The following ZMYND11 variants were observed in gnomAD, a reference collection of about 807,000 sequenced individuals.
The protein encoded by ZMYND11 is zinc finger MYND-type containing 11.
A neutral mutation model predicts 84.9 loss-of-function variants in ZMYND11; 9 were observed. That is an observed-to-expected ratio of 0.11 (90% CI 0.06 to 0.18). The LOEUF is 0.18. Ranked by LOEUF, ZMYND11 falls within the 10% of genes least tolerant of loss-of-function variation. The probability of loss-of-function intolerance (pLI) is 1.00; values close to 1 mark genes in which losing one functional copy is unlikely to be tolerated. For synonymous variants in ZMYND11, 250 were observed against 244.1 expected (o/e 1.02, Z -0.23); for missense variants, 409 against 761.0 (o/e 0.54, Z 5.44).
intron 11 of ZMYND11, 80 bp downstream of exon 11, chr10:247,053 A>C: frequency 7.3e-7 from 1 of 1,370,038 alleles, no homozygotes; most frequent in Non-Finnish European, 1.0e-6. Context: ...CCTCACTGTA[A>C]TGAACAGATT....
chr10:148,631 T>C (rs1032740402), intron 1 of ZMYND11: 2 of 152,272 alleles, frequency 1.3e-5, no homozygotes, highest in Non-Finnish European at 2.9e-5. Flanking sequence ...TTTAACATAG[T>C]GTTCATAATT....
intron 2 of ZMYND11, among the ~76,000 whole-genome samples, chr10:208,420 TA>T (rs1306667197): frequency 6.6e-6 from 1 of 152,084 alleles, no homozygotes; most frequent in African/African-American, 2.4e-5. Context: ...ATCCAGAATC[TA>T]CAGTGAACTC....
chr10:164,448 C>A (rs1335846015), intron 1 of ZMYND11, among the ~76,000 whole-genome samples: 1 of 152,164 alleles, frequency 6.6e-6, no homozygotes, highest in African/African-American at 2.4e-5. Context: ...ATGTCCGTCA[C>A]AGATGAGCTG....
At chr10:247,927 TATTC>T (rs59408071) in intron 12 of ZMYND11, among the ~76,000 whole-genome samples, 1 of 152,362 alleles carries the variant, frequency 6.6e-6, no homozygotes, top group African/African-American at 2.4e-5. Context: ...TTCAAACACA[TATTC>T]AGTGAGAAGT....
At chr10:136,295 C>A (rs1836034467) in intron 1 of ZMYND11, among the ~76,000 whole-genome samples, 1 of 152,182 alleles carries the variant, frequency 6.6e-6, no homozygotes, top group Non-Finnish European at 1.5e-5. Context: ...GCTTTTCTCC[C>A]GAGCCGGGAG....
At chr10:172,284 C>T (rs1221690010) in intron 1 of ZMYND11, among the ~76,000 whole-genome samples, 1 of 151,948 alleles carries the variant, frequency 6.6e-6, no homozygotes, top group Non-Finnish European at 1.5e-5. Context: ...AAATAAGAAG[C>T]AAATAGATTG....
At chr10:226,992 T>C (rs1948253589) in intron 4 of ZMYND11, among the ~76,000 whole-genome samples, 1 of 152,162 alleles carries the variant, frequency 6.6e-6, no homozygotes, top group Non-Finnish European at 1.5e-5. Context: ...TTTTTCTCTG[T>C]TTAAGGATCA....
intron 1 of ZMYND11, among the ~76,000 whole-genome samples, chr10:159,452 T>C (rs868931539): frequency 6.6e-6 from 1 of 152,334 alleles, no homozygotes; most frequent in Middle Eastern, 3.4e-3. Context: ...AGAAATGATA[T>C]ATTACATGTA....
At chr10:192,677 A>G (rs1940760184) in intron 2 of ZMYND11, among the ~76,000 whole-genome samples, 1 of 152,212 alleles carries the variant, frequency 6.6e-6, no homozygotes, top group Non-Finnish European at 1.5e-5. Flanking sequence ...CGTGCTGGGT[A>G]GCGCTGTGCA....
chr10:141,370 A>G (rs1346297155), intron 1 of ZMYND11, among the ~76,000 whole-genome samples: 1 of 152,188 alleles, frequency 6.6e-6, no homozygotes, highest in Admixed American at 6.5e-5. Context: ...GTTCAGAGTA[A>G]CACATTTACT....
At chr10:213,547 A>G (rs926374376) in intron 3 of ZMYND11, among the ~76,000 whole-genome samples, 3 of 152,240 alleles carry the variant, frequency 2.0e-5, no homozygotes, top group Non-Finnish European at 4.4e-5. Context: ...AGTCAAAGTT[A>G]CAAATATTCT....
intron 4 of ZMYND11, among the ~76,000 whole-genome samples, chr10:224,980 T>C (rs562891624): frequency 6.6e-6 from 1 of 152,342 alleles, no homozygotes; most frequent in South Asian, 2.1e-4. Context: ...TTTATTTTCC[T>C]GAAATAGCCA....
At chr10:232,259 A>G (rs912380580) in intron 4 of ZMYND11, among the ~76,000 whole-genome samples, 13 of 152,232 alleles carry the variant, frequency 8.5e-5, no homozygotes, top group Admixed American at 2.6e-4. Context: ...TGAACGCCAC[A>G]GAAAGTGGCT....
chr10:250,512 GTAGA>G (rs1258432773), intron 14 of ZMYND11, among the ~76,000 whole-genome samples: 6 of 151,552 alleles, frequency 4.0e-5, no homozygotes, highest in South Asian at 4.2e-4. Flanking sequence ...ATTCTTATGA[GTAGA>G]AATCTCTTAA....
intron 2 of ZMYND11, among the ~76,000 whole-genome samples, chr10:200,358 G>GTATATATGTGTATATATGTA (rs1213072177): frequency 7.1e-6 from 1 of 141,556 alleles, no homozygotes; most frequent in Non-Finnish European, 1.5e-5. Context: ...ACATATATGT[G>GTATATATGTGTATATATGTA]TATATATGTG....
intron 1 of ZMYND11, among the ~76,000 whole-genome samples, chr10:157,225 A>G (rs1841918439): frequency 6.6e-6 from 1 of 152,140 alleles, no homozygotes; most frequent in African/African-American, 2.4e-5. Context: ...TTGGAGACAG[A>G]GTCTCGCTCT....
chr10:180,944 C>G (rs900841075), intron 2 of ZMYND11, among the ~76,000 whole-genome samples: 15 of 151,826 alleles, frequency 9.9e-5, no homozygotes, highest in Non-Finnish European at 1.6e-4. Flanking sequence ...CCCCTAGTTT[C>G]TCATGCTATT....
At chr10:184,129 A>G (rs1160501944) in intron 2 of ZMYND11, among the ~76,000 whole-genome samples, 2 of 152,170 alleles carry the variant, frequency 1.3e-5, no homozygotes, top group Admixed American at 6.5e-5. Flanking sequence ...TAAAATCTTT[A>G]TCTACTTTCT....
intron 1 of ZMYND11, among the ~76,000 whole-genome samples, chr10:175,360 G>A (rs941126236): frequency 2.0e-5 from 3 of 152,294 alleles, no homozygotes; most frequent in East Asian, 3.9e-4. Context: ...CTGAGGTCAG[G>A]AGTTCAAGAC....
Sources: allele counts gnomAD v4.1 joint callset (sites outside exome capture counted in the v4.1 genomes callset), GRCh38; gene constraint gnomAD v4.1.1; transcripts MANE v1.5; gene names NCBI Gene and HGNC (gene_info 2026-07-23, HGNC 2026-07-21).